Variants in ATG14 observed in about 807,000 individuals in gnomAD.
The protein encoded by ATG14 is autophagy related 14, also known as beclin 1-associated autophagy-related key regulator.
A neutral mutation model predicts 60.4 loss-of-function variants in ATG14; 35 were observed. The observed-to-expected ratio is 0.58, with a 90% CI of 0.44 to 0.77. The LOEUF is 0.77. Ranked by LOEUF, ATG14 falls within the 30% of genes least tolerant of loss-of-function variation. The probability of loss-of-function intolerance (pLI) is 0.00; values close to 1 mark genes in which losing one functional copy is unlikely to be tolerated. For missense variants in ATG14, 647 were observed against 626.3 expected (o/e 1.03, Z -0.35); for synonymous variants, 234 against 228.8 (o/e 1.02, Z -0.21).
At chr14:55,378,389 T>G (rs1284491685) in intron 7 of ATG14, among the ~76,000 whole-genome samples, 1 of 152,230 alleles carries the variant, frequency 6.6e-6, no homozygotes, top group Non-Finnish European at 1.5e-5. Flanking sequence ...AGCAGACTGG[T>G]AAGATCTTGA....
chr14:55,373,726 TG>T (rs1884866110), intron 9 of ATG14, among the ~76,000 whole-genome samples: 1 of 151,994 alleles, frequency 6.6e-6, no homozygotes, highest in East Asian at 1.9e-4. Flanking sequence ...CCCAAAGTGC[TG>T]GGATTACAGG....
In ATG14 at chr14:55,369,612, A is replaced by G; in HGVS notation, c.*7T>C. On this transcript the variant is annotated 3_prime_UTR_variant, in exon 10 of 10. Transcript: ENST00000247178. ...ATGCAGATTTGGTATGTTTTGGTCCATGCTCGTTAACGGTGTCCAGTGTAA... is the reference window on the plus strand; with the variant it reads ...ATGCAGATTTGGTATGTTTTGGTCCGTGCTCGTTAACGGTGTCCAGTGTAA... The G allele has an allele frequency of 1.3e-6, 2 of 1,502,810 alleles. No homozygotes were observed. The highest frequency in any genetic ancestry group is 1.8e-6 in the Non-Finnish European group (2 of 1,123,898). 93.1% of individuals were successfully genotyped at this position (1,502,810 alleles called of 1,614,324 possible). A position where few individuals can be genotyped will look rare whatever the true frequency, so the allele number is the denominator to read the frequency against.
In ATG14 at chr14:55,390,225, C is replaced by G. The variant is rs185634493; in HGVS notation, c.409+686G>C. ...AGCTGGGATTACAGGTGCCTGCCAC[C>G]ACGCCCGGCTAATTTTTGTATTTTT... On this transcript the variant is annotated intron_variant, in intron 4 of 9. Transcript: ENST00000247178. 5.0e-3 allele frequency among the ~76,000 whole-genome samples: 767 copies of G among 152,224 alleles called. 10 individuals carry two copies. The highest frequency in any genetic ancestry group is 0.017 in the African/African-American group (710 of 41,518).
intron 1 of ATG14, among the ~76,000 whole-genome samples, chr14:55,406,381 G>A (rs1885490970): frequency 6.6e-6 from 1 of 152,214 alleles, no homozygotes; most frequent in African/African-American, 2.4e-5. Flanking sequence ...TTATTAACAA[G>A]TGGTTTTCTA....
rs1885310410 is a variant in ATG14 at position 55,396,107 on chromosome 14, T to C, written c.285-125A>G. The C allele has an allele frequency of 1.2e-5, 8 of 644,520 alleles. No individual in the cohort carries two copies. The East Asian group carries it at 2.6e-4, about 21-fold the overall frequency. 39.9% of individuals were successfully genotyped at this position (644,520 alleles called of 1,614,324 possible). ...TGGCTAGAAATATCAAAACGGGACT[T>C]AGCATTTAAAGTGTTTTCCAAATTC... On this transcript the variant is annotated intron_variant, in intron 2 of 9. Coordinates refer to ENST00000247178, the MANE Select transcript of ATG14 (RefSeq NM_014924.5).
chr14:55,402,180 CACTT>C (rs1320965616), intron 1 of ATG14, among the ~76,000 whole-genome samples: 1 of 152,132 alleles, frequency 6.6e-6, no homozygotes, highest in African/African-American at 2.4e-5. Context: ...ATTTACTGAG[CACTT>C]ACTATGTCCC....
rs57295720 is a variant in ATG14 at position 55,411,648 on chromosome 14, C to G, written c.175G>C (p.Val59Leu). The change falls in exon 1 of 10, where the codon GTT (valine) becomes CTT (leucine). Residue 59 changes from valine to leucine, a missense_variant. Val to Leu is a conservative substitution (Grantham distance 32). Transcript: ENST00000247178. ...TRRRLTCAKC[V>L]QSGDFVYFDG... The stretch of plus-strand genomic sequence containing the variant: ...AAGTAGACGAAATCGCCGCTCTGAA[C>G]GCATTTGGCGCAGGTCAGCCGCCGG... 1 of 1,613,272 alleles carries G rather than the reference C, an allele frequency of 6.2e-7. No individual in the cohort carries two copies. The highest frequency in any genetic ancestry group is 1.7e-5 in the Admixed American group (1 of 59,976).
At position 55,386,089 on chromosome 14, in the gene ATG14, T is replaced by G; in HGVS notation, c.417A>C (p.Glu139Asp). Residue 139 changes from glutamate (E) to aspartate (D), a missense_variant, in exon 5 of 10, where the codon GAA (glutamate) becomes GAC (aspartate). Physicochemically the swap from Glu to Asp is conservative, Grantham distance 45. Transcript: ENST00000247178. The part of the protein sequence containing the change: ...KGNEEMEKNS[E>D]GLLKTKEKNQ... ...TCTTTTCCTTGGTTTTGAGAAGGCC[T>G]TCAGAATCTAAAATAAATAAATCAC... 6.2e-7 allele frequency: 1 copy of G among 1,607,316 alleles called. No individual in the cohort carries two copies. The highest frequency in any genetic ancestry group is 8.5e-7 in the Non-Finnish European group (1 of 1,177,812).
chr14:55,411,576 C>T (rs1373275532), intron 1 of ATG14, 26 bp downstream of exon 1: 8 of 1,585,516 alleles, frequency 5.0e-6, no homozygotes, highest in Admixed American at 1.8e-5. Context: ...GCAGAAGAAA[C>T]AATAGGGCCG....
At chr14:55,371,011 T>C (rs1884804691) in intron 9 of ATG14, among the ~76,000 whole-genome samples, 1 of 152,138 alleles carries the variant, frequency 6.6e-6, no homozygotes, top group South Asian at 2.1e-4. Flanking sequence ...CCAGGCTGCA[T>C]GTCCTCCCTG....
At chr14:55,388,048 A>C (rs1885153657) in intron 4 of ATG14, among the ~76,000 whole-genome samples, 1 of 151,766 alleles carries the variant, frequency 6.6e-6, no homozygotes, top group African/African-American at 2.4e-5. Flanking sequence ...GAGGCAGGAG[A>C]ATTGCTTGAA....
intron 7 of ATG14, among the ~76,000 whole-genome samples, chr14:55,379,632 T>C (rs144453078): frequency 3.9e-4 from 59 of 152,316 alleles, no homozygotes; most frequent in African/African-American, 1.4e-3. Context: ...GGTAATAATA[T>C]GTTTATATAT....
chr14:55,376,051 T>C (rs1884914268), intron 9 of ATG14, among the ~76,000 whole-genome samples: 1 of 152,244 alleles, frequency 6.6e-6, no homozygotes. Flanking sequence ...TTCTTTAATC[T>C]GTTAATGTGA....
At chr14:55,380,877 T>TATATATATATATATATATA (rs60511037) in intron 6 of ATG14, among the ~76,000 whole-genome samples, 187 bp from the exon 7 acceptor site, 1 of 43,714 alleles carries the variant, frequency 2.3e-5, no homozygotes, top group African/African-American at 1.9e-4. Flanking sequence ...ATATATATAT[T>TATATATATATATATATATA]TTTTTTTTTT....
intron 5 of ATG14, among the ~76,000 whole-genome samples, chr14:55,382,701 G>T (rs1434542321): frequency 6.6e-6 from 1 of 152,176 alleles, no homozygotes; most frequent in East Asian, 1.9e-4. Context: ...CAGAGAGGAA[G>T]ATCAAACCAG....
chr14:55,371,336 A>G (rs556040202), intron 9 of ATG14, among the ~76,000 whole-genome samples: 1 of 152,242 alleles, frequency 6.6e-6, no homozygotes, highest in East Asian at 1.9e-4. Flanking sequence ...CCGTTGACTC[A>G]CTTTTTACAG....
At chr14:55,399,288 A>G (rs140366259) in intron 1 of ATG14, among the ~76,000 whole-genome samples, 1 of 152,368 alleles carries the variant, frequency 6.6e-6, no homozygotes, top group East Asian at 1.9e-4. Context: ...AAATTATATT[A>G]AAAGTTCAGT....
chr14:55,383,529 T>C (rs1202351127), intron 5 of ATG14, among the ~76,000 whole-genome samples: 1 of 150,242 alleles, frequency 6.7e-6, no homozygotes, highest in Admixed American at 6.6e-5. Context: ...CCAGCCTGGG[T>C]GACAAAGCGA....
chr14:55,386,537 A>G (rs1885128782), intron 4 of ATG14, among the ~76,000 whole-genome samples: 2 of 152,240 alleles, frequency 1.3e-5, no homozygotes. Context: ...ATAATCTCAC[A>G]GCAGGTGGTC....
Sources: allele counts gnomAD v4.1 joint callset (sites outside exome capture counted in the v4.1 genomes callset), GRCh38; gene constraint gnomAD v4.1.1; transcripts MANE v1.5; gene names NCBI Gene and HGNC (gene_info 2026-07-23, HGNC 2026-07-21).